The following NEDD4L variants were observed in gnomAD, a reference collection of about 807,000 sequenced individuals.
NEDD4L encodes the protein NEDD4 like E3 ubiquitin protein ligase.
Under a neutral mutation model 148.9 loss-of-function variants are expected in NEDD4L, and 54 were observed. That is an observed-to-expected ratio of 0.36 (90% CI 0.29 to 0.45). The LOEUF (loss-of-function observed/expected upper bound fraction) is 0.45, where lower values mean the gene tolerates loss of function less well. Ranked by LOEUF, NEDD4L falls within the 20% of genes least tolerant of loss-of-function variation. The pLI is 1.00. For missense variants in NEDD4L, 856 were observed against 1,233.8 expected (o/e 0.69, Z 4.59); for synonymous variants, 433 against 440.7 (o/e 0.98, Z 0.22).
intron 5 of NEDD4L, among the ~76,000 whole-genome samples, chr18:58,281,346 G>A (rs1371882916): frequency 1.2e-4 from 18 of 150,774 alleles, no homozygotes. Flanking sequence ...TAGCTGTGAT[G>A]GAAATGGAAG....
intron 1 of NEDD4L, among the ~76,000 whole-genome samples, chr18:58,118,108 A>C (rs1377570141): frequency 1.3e-5 from 2 of 152,252 alleles, no homozygotes; most frequent in Non-Finnish European, 2.9e-5. Flanking sequence ...CAATAGCCTC[A>C]GAAGTTCGGC....
intron 28 of NEDD4L, among the ~76,000 whole-genome samples, chr18:58,389,743 A>T (rs958612573): frequency 2.3e-5 from 3 of 129,170 alleles, no homozygotes; most frequent in East Asian, 4.0e-4. Context: ...AAACAAACTT[A>T]AAAAAAAAAA....
intron 5 of NEDD4L, among the ~76,000 whole-genome samples, chr18:58,282,429 T>C (rs2053280150): frequency 6.6e-6 from 1 of 152,236 alleles, no homozygotes; most frequent in South Asian, 2.1e-4. Flanking sequence ...ATGCAGTAAT[T>C]GATTGCAAAA....
At chr18:58,092,352 G>A (rs1211356697) in intron 1 of NEDD4L, among the ~76,000 whole-genome samples, 3 of 152,158 alleles carry the variant, frequency 2.0e-5, no homozygotes, top group Non-Finnish European at 4.4e-5. Flanking sequence ...TTGGGGTGGG[G>A]GATTGTGTGT....
intron 1 of NEDD4L, among the ~76,000 whole-genome samples, chr18:58,061,524 G>C (rs565632520): frequency 6.6e-6 from 1 of 152,054 alleles, no homozygotes; most frequent in African/African-American, 2.4e-5. Context: ...CAGACTAGAG[G>C]AGGCAGGAAG....
intron 30 of NEDD4L, among the ~76,000 whole-genome samples, chr18:58,395,953 A>G (rs1353398439): frequency 4.6e-5 from 7 of 152,192 alleles, no homozygotes; most frequent in Non-Finnish European, 8.8e-5. Context: ...CAAAGGTTTC[A>G]TGGACCATTT....
At chr18:58,220,490 C>G (rs1599849081) in intron 2 of NEDD4L, among the ~76,000 whole-genome samples, 1 of 152,194 alleles carries the variant, frequency 6.6e-6, no homozygotes, top group African/African-American at 2.4e-5. Context: ...CCACTTGCTC[C>G]TCTAAGCCTT....
At chr18:58,083,685 C>A (rs889170358) in intron 1 of NEDD4L, among the ~76,000 whole-genome samples, 2 of 51,106 alleles carry the variant, frequency 3.9e-5, no homozygotes, top group Non-Finnish European at 6.9e-5. Context: ...GAGACTCCAT[C>A]TCAAAAAACA....
chr18:58,333,165 CT>C (rs1398355391), intron 11 of NEDD4L, among the ~76,000 whole-genome samples: 2 of 151,518 alleles, frequency 1.3e-5, no homozygotes, highest in African/African-American at 4.9e-5. Context: ...GTAGTCCCAG[CT>C]ACTCAGGAGG....
chr18:58,080,960 T>C (rs562377139), intron 1 of NEDD4L, among the ~76,000 whole-genome samples: 5 of 152,190 alleles, frequency 3.3e-5, no homozygotes, highest in Admixed American at 3.3e-4. Flanking sequence ...GTATGAAATG[T>C]GAGGGCCGGA....
chr18:58,124,226 A>G (rs936558642), intron 1 of NEDD4L, among the ~76,000 whole-genome samples: 10 of 152,100 alleles, frequency 6.6e-5, no homozygotes, highest in African/African-American at 2.4e-4. Context: ...GGGAGGCCGG[A>G]TGTCAGTGCC....
chr18:58,255,707 C>T (rs1398421062), intron 5 of NEDD4L: 2 of 1,232,410 alleles, frequency 1.6e-6, no homozygotes, highest in Non-Finnish European at 2.0e-6. Flanking sequence ...ATCAGACATC[C>T]TAGACCAGGA....
At chr18:58,261,701 A>G (rs563193287) in intron 5 of NEDD4L, among the ~76,000 whole-genome samples, 2 of 152,314 alleles carry the variant, frequency 1.3e-5, no homozygotes, top group South Asian at 4.1e-4. Flanking sequence ...TGGTTTCTGG[A>G]TAGTTGATGA....
intron 1 of NEDD4L, among the ~76,000 whole-genome samples, chr18:58,051,285 C>T (rs1009398816): frequency 1.3e-5 from 2 of 152,120 alleles, no homozygotes; most frequent in African/African-American, 4.8e-5. Flanking sequence ...AAACAAAGAT[C>T]ACCCCAAAGA....
At chr18:58,122,985 AG>A (rs2030255147) in intron 1 of NEDD4L, among the ~76,000 whole-genome samples, 1 of 152,122 alleles carries the variant, frequency 6.6e-6, no homozygotes, top group Non-Finnish European at 1.5e-5. Context: ...CACCCACTTC[AG>A]CCCCCCAGAG....
intron 5 of NEDD4L, among the ~76,000 whole-genome samples, chr18:58,293,228 C>G (rs2149141521): frequency 6.6e-6 from 1 of 152,284 alleles, no homozygotes; most frequent in Middle Eastern, 3.4e-3. Context: ...TTTGTTTCTT[C>G]AGGTGGGGGG....
At chr18:58,051,378 A>G (rs980010830) in intron 1 of NEDD4L, among the ~76,000 whole-genome samples, 1 of 152,254 alleles carries the variant, frequency 6.6e-6, no homozygotes, top group Non-Finnish European at 1.5e-5. Context: ...ACATCTGAAT[A>G]AAACTGTTTA....
intron 1 of NEDD4L, among the ~76,000 whole-genome samples, chr18:58,075,902 G>A (rs530974858): frequency 3.3e-5 from 5 of 152,228 alleles, no homozygotes; most frequent in Admixed American, 2.6e-4. Context: ...GCACTCCAGC[G>A]TGAGTGACAG....
chr18:58,066,698 T>C (rs1170533692), intron 1 of NEDD4L, among the ~76,000 whole-genome samples: 2 of 152,156 alleles, frequency 1.3e-5, no homozygotes, highest in African/African-American at 4.8e-5. Flanking sequence ...GGCTCACGAT[T>C]CTGCAGGTTG....
Sources: allele counts gnomAD v4.1 joint callset (sites outside exome capture counted in the v4.1 genomes callset), GRCh38; gene constraint gnomAD v4.1.1; transcripts MANE v1.5; gene names NCBI Gene and HGNC (gene_info 2026-07-23, HGNC 2026-07-21).